IL1RAPL2: variants seen among roughly 807,000 people sequenced by gnomAD.
The protein encoded by IL1RAPL2 is interleukin 1 receptor accessory protein like 2.
Under a neutral mutation model 44.1 loss-of-function variants are expected in IL1RAPL2, and 3 were observed. The observed-to-expected ratio is 0.07, with a 90% CI of 0.03 to 0.18. The LOEUF (loss-of-function observed/expected upper bound fraction) is 0.18. Ranked by LOEUF, IL1RAPL2 falls within the 10% of genes least tolerant of loss-of-function variation. The pLI is 1.00. For synonymous variants in IL1RAPL2, 181 were observed against 178.8 expected, an observed-to-expected ratio of 1.01 and a Z score of -0.10; for missense variants, 391 against 496.4, an observed-to-expected ratio of 0.79 and a Z score of 2.02.
intron 6 of IL1RAPL2, among the ~76,000 whole-genome samples, chrX:105,548,132 G>A (rs2036820562): frequency 8.9e-6 from 1 of 111,870 alleles, no homozygotes; most frequent in Non-Finnish European, 1.9e-5. Context: ...ACTATGTTAA[G>A]CACCAAATAG....
intron 5 of IL1RAPL2, among the ~76,000 whole-genome samples, chrX:105,326,115 C>T (rs2034936211): frequency 9.0e-6 from 1 of 111,502 alleles, no homozygotes; most frequent in African/African-American, 3.3e-5. Context: ...TACAGTGGTG[C>T]AGTCATAGCT....
At chrX:104,585,394 A>ATT (rs1569487992) in intron 1 of IL1RAPL2, among the ~76,000 whole-genome samples, 132 of 23,584 alleles carry the variant, frequency 5.6e-3, no homozygotes, top group Non-Finnish European at 6.7e-3. Flanking sequence ...TATTATATAT[A>ATT]ATATATAATA....
In IL1RAPL2 at chrX:104,980,832, G is replaced by T. The variant is rs1487577617; in HGVS notation, c.83-214643G>T. Among the ~76,000 whole-genome samples, 4 of 109,934 alleles carry T rather than the reference G, an allele frequency of 3.6e-5. No individual in the cohort carries two copies. The Admixed American group carries it at 3.9e-4, about 11-fold the overall frequency. The stretch of plus-strand genomic sequence containing the variant: ...TTGTTTCCATATGAATTTTAGAATA[G>T]TTTTTTTTTCTGTGAAAATGTCATT... On this transcript the variant is annotated intron_variant, in intron 2 of 10. Coordinates refer to ENST00000372582, the MANE Select transcript of IL1RAPL2 (RefSeq NM_017416.2).
chrX:104,647,660 T>A, intron 1 of IL1RAPL2: 1 of 547,126 alleles, frequency 1.8e-6, no homozygotes, highest in Non-Finnish European at 3.4e-6. Flanking sequence ...ACGCTCATCA[T>A]AGTCCTCTCT....
intron 2 of IL1RAPL2, among the ~76,000 whole-genome samples, chrX:104,831,949 A>T (rs1921620989): frequency 8.9e-6 from 1 of 111,830 alleles, no homozygotes; most frequent in African/African-American, 3.2e-5. Flanking sequence ...GCCTTGTGTA[A>T]GCATACCGTT....
intron 5 of IL1RAPL2, among the ~76,000 whole-genome samples, chrX:105,313,741 A>T (rs2034815580): frequency 2.7e-5 from 3 of 111,794 alleles, no homozygotes; most frequent in Non-Finnish European, 5.6e-5. Context: ...TGTTTAGGAC[A>T]TGTGAATGTA....
intron 7 of IL1RAPL2, among the ~76,000 whole-genome samples, chrX:105,729,491 A>ATCT (rs1285953983): frequency 4.5e-5 from 5 of 111,118 alleles, no homozygotes; most frequent in Non-Finnish European, 7.6e-5. Context: ...TTATCTGTGT[A>ATCT]TCTTCTTTGA....
intron 2 of IL1RAPL2, among the ~76,000 whole-genome samples, chrX:104,855,698 T>TA (rs1450839974): frequency 5.0e-5 from 5 of 100,077 alleles, no homozygotes; most frequent in African/African-American, 1.8e-4. Context: ...TTTTTTTTTT[T>TA]ACTGTATCTC....
At chrX:105,517,140 C>T (rs2036520672) in intron 6 of IL1RAPL2, among the ~76,000 whole-genome samples, 1 of 111,728 alleles carries the variant, frequency 9.0e-6, no homozygotes, top group Non-Finnish European at 1.9e-5. Context: ...TTATTTGTTC[C>T]TTTATTGACT....
chrX:105,658,669 C>A (rs1001117888), intron 6 of IL1RAPL2, among the ~76,000 whole-genome samples: 5 of 108,693 alleles, frequency 4.6e-5, no homozygotes, highest in African/African-American at 1.7e-4. Flanking sequence ...ACTAAAAATA[C>A]AAAAAAATTG....
intron 2 of IL1RAPL2, among the ~76,000 whole-genome samples, chrX:104,809,318 G>A (rs1488969873): frequency 1.8e-5 from 2 of 111,568 alleles, no homozygotes; most frequent in African/African-American, 6.5e-5. Context: ...TTCCACAAGG[G>A]TTGAACTAGT....
chrX:105,178,949 CTT>C (rs1335071541), intron 2 of IL1RAPL2, among the ~76,000 whole-genome samples: 3 of 111,563 alleles, frequency 2.7e-5, no homozygotes, highest in African/African-American at 9.8e-5. Flanking sequence ...CAGGTTATCT[CTT>C]TACTCTATTG....
At chrX:104,953,271 C>T (rs1448834381) in intron 2 of IL1RAPL2, among the ~76,000 whole-genome samples, 2 of 111,779 alleles carry the variant, frequency 1.8e-5, no homozygotes, top group East Asian at 5.6e-4. Flanking sequence ...TACATATTTA[C>T]AGTGTGCTGA....
chrX:105,107,471 G>A (rs1405097871), intron 2 of IL1RAPL2, among the ~76,000 whole-genome samples: 1 of 112,262 alleles, frequency 8.9e-6, no homozygotes, highest in Non-Finnish European at 1.9e-5. Context: ...TTCAGTATAA[G>A]ACACAAGACA....
At chrX:105,558,727 T>C (rs1348924926) in intron 6 of IL1RAPL2, among the ~76,000 whole-genome samples, 1 of 112,256 alleles carries the variant, frequency 8.9e-6, no homozygotes, top group Admixed American at 9.5e-5. Context: ...AAGTAGGAAG[T>C]AGTTAGCAGT....
chrX:104,872,948 A>T (rs1286644389), intron 2 of IL1RAPL2, among the ~76,000 whole-genome samples: 1 of 111,723 alleles, frequency 9.0e-6, no homozygotes, highest in Non-Finnish European at 1.9e-5. Context: ...GAGAATTCAC[A>T]TCCAAGCAAC....
At chrX:105,332,356 T>C (rs112342290) in intron 5 of IL1RAPL2, among the ~76,000 whole-genome samples, 6,740 of 109,832 alleles carry the variant, frequency 0.061, 500 homozygotes, top group African/African-American at 0.21. Flanking sequence ...TCCTGTCTAC[T>C]TGTCACTTGT....
chrX:105,247,055 A>G (rs956725425), intron 4 of IL1RAPL2, among the ~76,000 whole-genome samples: 5 of 111,004 alleles, frequency 4.5e-5, no homozygotes, highest in Admixed American at 9.6e-5. Flanking sequence ...TGTAATATAT[A>G]TATTTTTTAT....
intron 2 of IL1RAPL2, among the ~76,000 whole-genome samples, chrX:104,803,023 A>G (rs1462009632): frequency 8.9e-6 from 1 of 111,994 alleles, no homozygotes; most frequent in Non-Finnish European, 1.9e-5. Context: ...TGTGTCTATA[A>G]GAAGGTATTG....
Sources: allele counts gnomAD v4.1 joint callset (sites outside exome capture counted in the v4.1 genomes callset), GRCh38; gene constraint gnomAD v4.1.1; transcripts MANE v1.5; gene names NCBI Gene and HGNC (gene_info 2026-07-23, HGNC 2026-07-21).